Variants in PHF8 observed in about 807,000 individuals in gnomAD.
PHF8 encodes the protein PHD finger protein 8.
Under a neutral mutation model 74.4 loss-of-function variants are expected in PHF8, and 9 were observed. The observed-to-expected ratio is 0.12, with a 90% confidence interval of 0.07 to 0.21. The LOEUF is 0.21. PHF8 is among the 10% of genes least tolerant of loss of function. The probability of loss-of-function intolerance (pLI) is 1.00; values close to 1 mark genes in which losing one functional copy is unlikely to be tolerated. For synonymous variants in PHF8, 311 were observed against 316.6 expected, an observed-to-expected ratio of 0.98 and a Z score of 0.19; for missense variants, 478 against 816.6, an observed-to-expected ratio of 0.59 and a Z score of 5.05.
intron 6 of PHF8, among the ~76,000 whole-genome samples, chrX:54,015,833 G>A (rs1397880517): frequency 9.0e-6 from 1 of 110,920 alleles, no homozygotes; most frequent in Non-Finnish European, 1.9e-5. Flanking sequence ...GACTATATAC[G>A]TATCTACTGT....
At chrX:54,046,483 TGAGGCAGGAGAATCGCTTGAACACGG>T (rs1157128654), upstream of PHF8, among the ~76,000 whole-genome samples, 2 of 108,865 alleles carry the variant, frequency 1.8e-5, no homozygotes, top group East Asian at 5.8e-4. Flanking sequence ...CACAGGAGGC[TGAGGCAGGAGAATCGCTTGAACACGG>T]GAGGCGGAGG....
At chrX:53,956,981 G>A (rs1265000168) in intron 19 of PHF8, among the ~76,000 whole-genome samples, 4 of 110,627 alleles carry the variant, frequency 3.6e-5, no homozygotes, top group Admixed American at 2.9e-4. Flanking sequence ...TTGGGAGGCC[G>A]AGGTGGATCA....
rs12846183 is a variant in PHF8 at position 54,000,926 on chromosome X, C to T, written c.1142-965G>A. ...GATCCAATATTTTCAGTCACACTTG[C>T]TAAACAAAAAGGTTAAAATCCATGC... On this transcript the variant is annotated intron_variant, in intron 10 of 21. Transcript: ENST00000338154. Among the ~76,000 whole-genome samples the T allele has an allele frequency of 3.5e-5, 4 of 112,961 alleles. No individual in the cohort carries two copies. In the East Asian group the frequency reaches 1.1e-3, roughly 31 times the overall value.
intron 2 of PHF8, among the ~76,000 whole-genome samples, chrX:54,032,839 G>A (rs2066385473): frequency 9.0e-6 from 1 of 110,857 alleles, no homozygotes; most frequent in Non-Finnish European, 1.9e-5. Flanking sequence ...GAAAGTAGAG[G>A]AGACCCAGGT....
chrX:53,940,052 G>C, intron 21 of PHF8, 128 bp downstream of exon 21: 1 of 513,650 alleles, frequency 1.9e-6, no homozygotes, highest in East Asian at 3.6e-5. Flanking sequence ...TGGCCCATAA[G>C]ATCAAATCCA....
In PHF8 at chrX:53,938,465, G is replaced by C; in HGVS notation, c.*693C>G. ...ACAGGCTACAAAACCGTGGTCAAAG[G>C]CTTGGGCATCTGACCTCTCCCTACC... On this transcript the variant is annotated 3_prime_UTR_variant, in exon 22 of 22. Coordinates refer to ENST00000338154, the MANE Select transcript of PHF8 (RefSeq NM_015107.3). 1.3e-6 allele frequency: 1 copy of C among 777,338 alleles called. No individual in the cohort carries two copies. The highest frequency in any genetic ancestry group is 1.5e-6 in the Non-Finnish European group (1 of 653,916). 64.1% of individuals were successfully genotyped at this position (777,338 alleles called of 1,213,427 possible). A position where few individuals can be genotyped will look rare whatever the true frequency, so the allele number is the denominator to read the frequency against.
At chrX:54,019,851 GATTT>G (rs2066138824) in intron 4 of PHF8, among the ~76,000 whole-genome samples, 2 of 104,804 alleles carry the variant, frequency 1.9e-5, no homozygotes, top group South Asian at 8.4e-4. Flanking sequence ...AGGATTTCAC[GATTT>G]ATTTTATCAG....
At chrX:54,019,649 G>A (rs2066132175) in intron 4 of PHF8, among the ~76,000 whole-genome samples, 1 of 107,521 alleles carries the variant, frequency 9.3e-6, no homozygotes, top group African/African-American at 3.4e-5. Flanking sequence ...AAATTAGCTG[G>A]GCATGGTGGT....
chrX:53,988,042 T>C (rs2065595347), intron 14 of PHF8, 98 bp from the exon 15 acceptor site: 2 of 660,874 alleles, frequency 3.0e-6, no homozygotes, highest in Admixed American at 5.1e-5. Context: ...TTCAATACAA[T>C]CCCTATCAAA....
chrX:53,943,017 C>T (rs2064776519), intron 20 of PHF8: 1 of 773,610 alleles, frequency 1.3e-6, no homozygotes, highest in Non-Finnish European at 1.5e-6. Context: ...AGAAGCTTAG[C>T]TTGCAAAGCC....
At chrX:54,042,924 C>T in intron 1 of PHF8, 104 bp from the exon 2 acceptor site, 1 of 661,864 alleles carries the variant, frequency 1.5e-6, no homozygotes, top group Admixed American at 4.2e-5. Context: ...CGGGATGCAA[C>T]ACAGCTGGTG....
At chrX:54,021,147 T>C (rs926385892) in intron 4 of PHF8, among the ~76,000 whole-genome samples, 3 of 112,205 alleles carry the variant, frequency 2.7e-5, no homozygotes, top group Non-Finnish European at 5.6e-5. Flanking sequence ...GTAACATGGA[T>C]GCAGCTGGAG....
chrX:54,009,858 A>G lies in PHF8; in HGVS notation c.946+1264T>C, dbSNP rs1319853487. 2.1e-3 allele frequency among the ~76,000 whole-genome samples: 170 copies of G among 80,946 alleles called. 4 individuals are homozygous for G. Among genetic ancestry groups the G allele is most frequent in the African/African-American group, 0.013 (166 of 13,214 alleles). 70.3% of individuals were successfully genotyped at this position (80,946 alleles called of 115,157 possible). ...ACTCTGTCTCAGAAAAAAAAAAAAA[A>G]AAAAAAAAAAAAAAAAAAAAAAAGT... On this transcript the variant is annotated intron_variant, in intron 8 of 21. Transcript: ENST00000338154.
rs782626531 is a variant in PHF8 at position 53,985,259 on chromosome X, G to A, written c.2130-32C>T. The A allele has an allele frequency of 6.4e-6, 7 of 1,094,552 alleles. No individual in the cohort carries two copies. The South Asian group carries it at 9.8e-5, about 15-fold the overall frequency. The allele number at this position is 1,094,552 out of a possible 1,213,427, so 90.2% of individuals were successfully genotyped here. A position where few individuals can be genotyped will look rare whatever the true frequency, so the allele number is the denominator to read the frequency against. ...GGAACAGAGGAGAAATACTGAGAGAGTTGTTTTTAGCTGTCAGAGTAAATC... is the reference window on the plus strand; with the variant it reads ...GGAACAGAGGAGAAATACTGAGAGAATTGTTTTTAGCTGTCAGAGTAAATC... On this transcript the variant is annotated intron_variant, in intron 17 of 21. Coordinates refer to ENST00000338154, the MANE Select transcript of PHF8 (RefSeq NM_015107.3).
intron 19 of PHF8, among the ~76,000 whole-genome samples, chrX:53,950,601 G>C: frequency 8.9e-6 from 1 of 112,088 alleles, no homozygotes; most frequent in East Asian, 2.8e-4. Context: ...CATGCACATA[G>C]AGAGCCCCTC....
At chrX:53,948,102 G>C (rs781841878) in intron 19 of PHF8, among the ~76,000 whole-genome samples, 1 of 111,349 alleles carries the variant, frequency 9.0e-6, no homozygotes, top group Middle Eastern at 4.7e-3. Context: ...TTTAAGCTGG[G>C]GAAAAAAGAA....
intron 13 of PHF8, among the ~76,000 whole-genome samples, chrX:53,993,400 A>G (rs1445368380): frequency 8.9e-6 from 1 of 111,988 alleles, no homozygotes; most frequent in Non-Finnish European, 1.9e-5. Flanking sequence ...CAGCCTCTTG[A>G]GAGTCACATC....
At chrX:53,996,793 C>T in intron 11 of PHF8, among the ~76,000 whole-genome samples, 1 of 111,716 alleles carries the variant, frequency 9.0e-6, no homozygotes, top group Non-Finnish European at 1.9e-5. Flanking sequence ...GTGATCCACC[C>T]GCCTCGGCCT....
intron 18 of PHF8, among the ~76,000 whole-genome samples, chrX:53,981,688 T>C (rs1358680174): frequency 8.9e-6 from 1 of 111,951 alleles, no homozygotes; most frequent in Non-Finnish European, 1.9e-5. Flanking sequence ...CTGACTATAA[T>C]GCCGGGTACA....
Sources: gnomAD v4.1 joint callset for allele counts (sites outside exome capture counted in the v4.1 genomes callset) on GRCh38, gnomAD v4.1.1 for gene constraint, MANE v1.5 for transcripts, NCBI Gene and HGNC (gene_info 2026-07-23, HGNC 2026-07-21) for gene names.